Variants in ZNF124 observed in about 807,000 individuals in gnomAD.
ZNF124 encodes the protein zinc finger protein 124.
A neutral mutation model predicts 26.6 loss-of-function variants in ZNF124; 25 were observed. The ratio of observed to expected loss-of-function variants is 0.94; its 90% CI spans 0.68 to 1.31. ZNF124 has a LOEUF of 1.31. Ranked by LOEUF, ZNF124 falls within the 40% of genes most tolerant of loss-of-function variation. The pLI, the probability that ZNF124 is intolerant of heterozygous loss-of-function variation, is 0.00. For missense variants in ZNF124, 444 were observed against 422.2 expected, an observed-to-expected ratio of 1.05 and a Z score of -0.45; for synonymous variants, 129 against 133.3, an observed-to-expected ratio of 0.97 and a Z score of 0.22.
chr1:247,141,205 C>T (rs1281254675), intron 3 of ZNF124, among the ~76,000 whole-genome samples: 2 of 152,118 alleles, frequency 1.3e-5, no homozygotes, highest in African/African-American at 4.8e-5. Context: ...CTGGTCTCCT[C>T]TCCTTGGGTC....
At chr1:247,122,255 T>A (rs534898227) in exon 4 of ZNF124, 35 of 152,262 alleles carry the variant, frequency 2.3e-4, no homozygotes, top group Non-Finnish European at 2.9e-5. Context: ...TTCTAAGTGA[T>A]TTATACCTAT....
intron 3 of ZNF124, among the ~76,000 whole-genome samples, chr1:247,131,609 G>A (rs1558371600): frequency 6.6e-6 from 1 of 152,240 alleles, no homozygotes; most frequent in Non-Finnish European, 1.5e-5. Flanking sequence ...TTTAGCCAGG[G>A]AGGCTGTACA....
chr1:247,145,697 C>T (rs1052287197), intron 3 of ZNF124, among the ~76,000 whole-genome samples: 2 of 151,616 alleles, frequency 1.3e-5, no homozygotes, highest in African/African-American at 4.9e-5. Context: ...GGTGCATTCT[C>T]GGCACAGTGC....
At position 247,127,745 on chromosome 1, in the gene ZNF124, G is replaced by A. The variant is rs1166856213; in HGVS notation, c.219-3874C>T. ...GCTCAATCGATCACGACCCTCTCAC[G>A]CGGACCCCCTTAGAGCTGTAAGCCC... is the stretch of plus-strand genomic sequence containing the variant. On this transcript the variant is annotated intron_variant, in intron 3 of 3. Coordinates refer to the ZNF124 transcript ENST00000472531. Among the ~76,000 whole-genome samples the A allele has an allele frequency of 2.0e-5, 3 of 148,984 alleles. 1 individual carries two copies. Among genetic ancestry groups the A allele is most frequent in the Non-Finnish European group, 4.5e-5 (3 of 66,840 alleles).
At chr1:247,141,364 A>G (rs1027702266) in intron 3 of ZNF124, among the ~76,000 whole-genome samples, 4 of 152,150 alleles carry the variant, frequency 2.6e-5, no homozygotes, top group African/African-American at 9.7e-5. Context: ...ATGCAGAACC[A>G]TAGTTACTGG....
chr1:247,164,903 AACAG>A (rs1289168432), intron 1 of ZNF124, among the ~76,000 whole-genome samples: 1 of 152,206 alleles, frequency 6.6e-6, no homozygotes, highest in Non-Finnish European at 1.5e-5. Flanking sequence ...ATGGTATAAA[AACAG>A]ACAGACTGAT....
In ZNF124 at chr1:247,156,706, G is replaced by A. The variant is rs748406955; in HGVS notation, c.916C>T (p.Arg306Cys). The A allele has an allele frequency of 1.4e-5, 23 of 1,613,438 alleles. No individual in the cohort carries two copies. The Admixed American group carries it at 1.5e-4, about 11-fold the overall frequency. Residue 306 changes from arginine to cysteine, a missense_variant, in exon 4 of 4, where the codon CGT becomes TGT. Coordinates refer to ENST00000543802, the MANE Select transcript of ZNF124 (RefSeq NM_001297568.2). Reference sequence around the variant, plus strand: ...CCAGTATGAGTCCTTTCATGGTCACGAAGGGAACTGGAACATCTGAAGCCT... The same window carrying A: ...CCAGTATGAGTCCTTTCATGGTCACAAAGGGAACTGGAACATCTGAAGCCT... ...GKGFRCSSSL[R>C]DHERTHTGEK...
intron 3 of ZNF124, among the ~76,000 whole-genome samples, chr1:247,146,377 T>G (rs529273660): frequency 4.6e-5 from 7 of 152,342 alleles, no homozygotes; most frequent in Admixed American, 2.0e-4. Context: ...TTTTGAGGTC[T>G]TTCATAAGAG....
chr1:247,170,648 G>A (rs1257209716), intron 1 of ZNF124, among the ~76,000 whole-genome samples: 1 of 143,880 alleles, frequency 7.0e-6, no homozygotes, highest in Non-Finnish European at 1.5e-5. Flanking sequence ...AGCTCCCCAA[G>A]TGAGCAATTC....
rs922781083 is a variant in ZNF124 at position 247,155,445 on chromosome 1, A to G, written c.*1121T>C. ...TGCAAGAAAAAAGGAAAAGAAATAC[A>G]TTTCAATTTACCCATATAACCAACA... On this transcript the variant is annotated 3_prime_UTR_variant, in exon 4 of 4. Coordinates refer to ENST00000543802, the MANE Select transcript of ZNF124 (RefSeq NM_001297568.2). Among the ~76,000 whole-genome samples, 1 of 152,152 alleles carries G rather than the reference A, an allele frequency of 6.6e-6. No homozygotes were observed. The highest frequency in any genetic ancestry group is 1.5e-5 in the Non-Finnish European group (1 of 68,030).
chr1:247,124,214 T>A (rs907836009), intron 3 of ZNF124, among the ~76,000 whole-genome samples: 1 of 151,896 alleles, frequency 6.6e-6, no homozygotes, highest in East Asian at 1.9e-4. Context: ...GTGGCTTTTT[T>A]TTTTTTTGAG....
At position 247,158,996 on chromosome 1, in the gene ZNF124, G is replaced by T. The variant is rs6675536; in HGVS notation, c.218+10C>A. 607,188 of 1,608,152 alleles carry T rather than the reference G, an allele frequency of 0.38. 124,060 individuals carry two copies. The highest frequency in any genetic ancestry group is 0.77 in the African/African-American group (57,329 of 74,668). The stretch of plus-strand genomic sequence containing the variant: ...AAGGGGGACTGCTTCCTCTTGTGAG[G>T]GCAAATTACCTTAGATTTCTTGAAG... On this transcript the variant is annotated intron_variant, in intron 3 of 3. Coordinates refer to ENST00000543802, the MANE Select transcript of ZNF124 (RefSeq NM_001297568.2).
At chr1:247,152,658 T>G (rs1356008282), downstream of ZNF124, among the ~76,000 whole-genome samples, 1 of 152,174 alleles carries the variant, frequency 6.6e-6, no homozygotes, top group Non-Finnish European at 1.5e-5. Context: ...GATTACTGCT[T>G]GATAGATAAG....
intron 3 of ZNF124, among the ~76,000 whole-genome samples, chr1:247,148,101 C>G (rs1291622817): frequency 2.0e-5 from 3 of 152,218 alleles, no homozygotes; most frequent in East Asian, 1.9e-4. Flanking sequence ...CCAAAGTGCT[C>G]TATCAGCTTT....
chr1:247,156,384 A>T lies in ZNF124; in HGVS notation c.*182T>A, dbSNP rs1318357448. On this transcript the variant is annotated 3_prime_UTR_variant, in exon 4 of 4. Coordinates refer to ENST00000543802, the MANE Select transcript of ZNF124 (RefSeq NM_001297568.2). Reference sequence around the variant, plus strand: ...AGTCCTTTCAAGTTTTCAAAAAGAAATGGAAAAATTGAATGCTTTACCTTA... The same window carrying T: ...AGTCCTTTCAAGTTTTCAAAAAGAATTGGAAAAATTGAATGCTTTACCTTA... 11 of 1,255,656 alleles carry T rather than the reference A, an allele frequency of 8.8e-6. No homozygotes were observed. Among genetic ancestry groups the T allele is most frequent in the Non-Finnish European group, 1.1e-5 (11 of 1,000,862 alleles). The allele number at this position is 1,255,656 out of a possible 1,614,324, so 77.8% of individuals were successfully genotyped here. A position where few individuals can be genotyped will look rare whatever the true frequency, so the allele number is the denominator to read the frequency against.
intron 3 of ZNF124, among the ~76,000 whole-genome samples, chr1:247,158,458 ATAAAT>A (rs1673279498): frequency 6.6e-6 from 1 of 152,156 alleles, no homozygotes; most frequent in South Asian, 2.1e-4. Context: ...ACTCTTCCTT[ATAAAT>A]TACTCAGCCT....
At chr1:247,140,787 G>A (rs906035543) in intron 3 of ZNF124, among the ~76,000 whole-genome samples, 1 of 152,178 alleles carries the variant, frequency 6.6e-6, no homozygotes, top group Non-Finnish European at 1.5e-5. Flanking sequence ...GTGGTGCTTA[G>A]GCATACTGGT....
chr1:247,157,316 A>G lies in ZNF124; in HGVS notation c.306T>C (p.Thr102=). 2 of 1,585,442 alleles carry G rather than the reference A, an allele frequency of 1.3e-6. No individual in the cohort carries two copies. Among genetic ancestry groups the G allele is most frequent in the Non-Finnish European group, 1.7e-6 (2 of 1,163,890 alleles). Residue 102 remains threonine (T), a synonymous_variant, in exon 4 of 4, where the codon ACT becomes ACC. Transcript: ENST00000543802. ...TGTGAACCCTTGTGACAGAAAGGGA[A>G]GTTTTCTGACATTGTTTACATGTAC... ...KPCTCKQCQK[T]SLSVTRVHRD...
chr1:247,143,420 C>T (rs1048590618), intron 3 of ZNF124, among the ~76,000 whole-genome samples: 5 of 152,212 alleles, frequency 3.3e-5, no homozygotes, highest in South Asian at 2.1e-4. Context: ...AATTTGACCC[C>T]GGAAGGTGAC....
Sources: allele counts gnomAD v4.1 joint callset (sites outside exome capture counted in the v4.1 genomes callset), GRCh38; gene constraint gnomAD v4.1.1; transcripts MANE v1.5; gene names NCBI Gene and HGNC (gene_info 2026-07-23, HGNC 2026-07-21).